Variants in LRRIQ4 observed in about 807,000 individuals in gnomAD.
LRRIQ4 encodes the protein leucine rich repeats and IQ motif containing 4, also known as leucine-rich repeat and IQ domain-containing protein 4.
In LRRIQ4, 21 loss-of-function variants were observed where a neutral mutation model predicts 40.1. That is an observed-to-expected ratio of 0.52 (90% CI 0.37 to 0.75). The LOEUF (loss-of-function observed/expected upper bound fraction) is 0.75. Ranked by LOEUF, LRRIQ4 falls within the 30% of genes least tolerant of loss-of-function variation. The pLI, the probability that LRRIQ4 is intolerant of heterozygous loss-of-function variation, is 0.00. For synonymous variants in LRRIQ4, 277 were observed against 277.1 expected (o/e 1.00, Z 0.00); for missense variants, 655 against 660.0 (o/e 0.99, Z 0.08).
chr3:169,819,511 A>T (rs1241104734), intron 1 of LRRIQ4, among the ~76,000 whole-genome samples: 1 of 152,214 alleles, frequency 6.6e-6, no homozygotes, highest in Non-Finnish European at 1.5e-5. Context: ...CTGCACAATA[A>T]AATCAAGTCT....
In LRRIQ4 at chr3:169,833,090, G is replaced by A. The variant is rs747693706; in HGVS notation, c.1437G>A (p.Met479Ile). 3.7e-6 allele frequency: 6 copies of A among 1,613,974 alleles called. No individual in the cohort carries two copies. In the Admixed American group the frequency reaches 1.0e-4, roughly 27 times the overall value. The change falls in exon 5 of 6, where the codon ATG becomes ATA. Residue 479 changes from methionine (M) to isoleucine (I), a missense_variant. Met to Ile is a conservative substitution (Grantham distance 10). Transcript: ENST00000340806. ...LKVLTLMDNPMEEPPKEVCAE... is the reference protein window; with the variant it reads ...LKVLTLMDNPIEEPPKEVCAE... ...TTCTGACACTGATGGACAATCCCAT[G>A]GAAGAACCCCCAAAAGAAGTGTGTG...
intron 2 of LRRIQ4, among the ~76,000 whole-genome samples, chr3:169,826,400 AAAAAAG>A (rs1257849834): frequency 2.6e-5 from 4 of 151,784 alleles, no homozygotes; most frequent in East Asian, 1.9e-4. Context: ...CTCAAAAAAA[AAAAAAG>A]AAAAAGAAAA....
chr3:169,828,692 A>C, intron 2 of LRRIQ4, 67 bp from the exon 3 acceptor site: 7 of 1,478,870 alleles, frequency 4.7e-6, no homozygotes, highest in Non-Finnish European at 6.5e-6. Context: ...CAAAACCAGA[A>C]GCCCAATTTA....
At chr3:169,814,688 T>G (rs1779727518) in intron 1 of LRRIQ4, among the ~76,000 whole-genome samples, 1 of 152,182 alleles carries the variant, frequency 6.6e-6, no homozygotes, top group African/African-American at 2.4e-5. Flanking sequence ...TTTCACCATG[T>G]TGGCCAGGCT....
chr3:169,824,031 GAT>G (rs1245060835), intron 2 of LRRIQ4, among the ~76,000 whole-genome samples: 1 of 152,014 alleles, frequency 6.6e-6, no homozygotes, highest in Admixed American at 6.6e-5. Flanking sequence ...AGAACCTTAT[GAT>G]ACCATTTATA....
chr3:169,826,903 G>A (rs1043407668), intron 2 of LRRIQ4, among the ~76,000 whole-genome samples: 1 of 152,162 alleles, frequency 6.6e-6, no homozygotes, highest in Non-Finnish European at 1.5e-5. Context: ...TTAGGAAAAT[G>A]AGTCCTTACT....
In LRRIQ4 at chr3:169,822,570, T is replaced by C; in HGVS notation, c.649T>C (p.Tyr217His). ...ACACCTGACGGGGCTGCAGAAGTTCTATATGGCTTCTAACAACCTTCCCGT... is the reference window on the plus strand; with the variant it reads ...ACACCTGACGGGGCTGCAGAAGTTCCATATGGCTTCTAACAACCTTCCCGT... ...IGHLTGLQKF[Y>H]MASNNLPVLP... Residue 217 changes from tyrosine to histidine, a missense_variant, in exon 2 of 6, where the codon TAT becomes CAT. Transcript: ENST00000340806. 1 of 1,614,030 alleles carries C rather than the reference T, an allele frequency of 6.2e-7. No homozygotes were observed. Among genetic ancestry groups the C allele is most frequent in the Non-Finnish European group, 8.5e-7 (1 of 1,179,898 alleles).
chr3:169,831,076 A>G (rs1484959760), intron 4 of LRRIQ4, among the ~76,000 whole-genome samples: 1 of 152,056 alleles, frequency 6.6e-6, no homozygotes, highest in Non-Finnish European at 1.5e-5. Flanking sequence ...TGACCTGGAA[A>G]ACTATATATG....
chr3:169,817,757 T>C (rs1331222763), intron 1 of LRRIQ4, among the ~76,000 whole-genome samples: 1 of 152,232 alleles, frequency 6.6e-6, no homozygotes, highest in African/African-American at 2.4e-5. Flanking sequence ...ACTCCTGCTC[T>C]TTTTTGTTTT....
At chr3:169,819,163 T>C (rs1422666932) in intron 1 of LRRIQ4, among the ~76,000 whole-genome samples, 1 of 152,158 alleles carries the variant, frequency 6.6e-6, no homozygotes, top group Non-Finnish European at 1.5e-5. Context: ...AGAGAAAAAA[T>C]GGCCAATAAA....
chr3:169,819,313 G>A (rs1292384711), intron 1 of LRRIQ4, among the ~76,000 whole-genome samples: 5 of 152,220 alleles, frequency 3.3e-5, no homozygotes, highest in South Asian at 2.1e-4. Context: ...TCAGAGGGCC[G>A]TCAAATTGAT....
intron 1 of LRRIQ4, among the ~76,000 whole-genome samples, chr3:169,819,694 C>A (rs776161241): frequency 6.6e-6 from 1 of 152,142 alleles, no homozygotes; most frequent in African/African-American, 2.4e-5. Context: ...GGAAACAGGG[C>A]AAATAATGAT....
chr3:169,830,377 G>GAAAAAA lies in LRRIQ4; in HGVS notation c.1195-88_1195-83dup, dbSNP rs56795981. On this transcript the variant is annotated intron_variant, in intron 3 of 5. Coordinates refer to ENST00000340806, the MANE Select transcript of LRRIQ4 (RefSeq NM_001080460.3). Reference sequence around the variant, plus strand: ...AATGCGTAATTTCCCCACTGAAAGTGAAAAAAAAAAAAAAAAAAAAAAAAA... The same window carrying GAAAAAA: ...AATGCGTAATTTCCCCACTGAAAGTGAAAAAAAAAAAAAAAAAAAAAAAAAAAAAAA... 4.0e-3 allele frequency: 426 copies of GAAAAAA among 106,608 alleles called. 112 individuals are homozygous for GAAAAAA. Among genetic ancestry groups the GAAAAAA allele is most frequent in the African/African-American group, 9.5e-3 (164 of 17,194 alleles). 6.6% of individuals were successfully genotyped at this position (106,608 alleles called of 1,614,324 possible). A position where few individuals can be genotyped will look rare whatever the true frequency, so the allele number is the denominator to read the frequency against.
At chr3:169,832,916 G>C in intron 4 of LRRIQ4, 71 bp from the exon 5 acceptor site, 1 of 1,343,774 alleles carries the variant, frequency 7.4e-7, no homozygotes, top group Non-Finnish European at 1.0e-6. Flanking sequence ...CACCTATGTG[G>C]ACAGGATTAG....
At chr3:169,833,277 C>A (rs1780227865) in intron 5 of LRRIQ4, 94 bp downstream of exon 5, 2 of 996,750 alleles carry the variant, frequency 2.0e-6, no homozygotes, top group Non-Finnish European at 1.4e-6. Flanking sequence ...CTCCTTACAC[C>A]CTTGTCCTGC....
At chr3:169,825,897 A>G (rs1217970363) in intron 2 of LRRIQ4, among the ~76,000 whole-genome samples, 2 of 151,888 alleles carry the variant, frequency 1.3e-5, no homozygotes, top group Non-Finnish European at 2.9e-5. Context: ...TGCTAATACC[A>G]CCTTCCAATG....
At chr3:169,815,047 A>G (rs1277517201) in intron 1 of LRRIQ4, among the ~76,000 whole-genome samples, 2 of 152,222 alleles carry the variant, frequency 1.3e-5, no homozygotes, top group South Asian at 4.1e-4. Context: ...GCTCTGCAAT[A>G]TAATTTTAAT....
rs1235962945 is a variant in LRRIQ4 at position 169,833,124 on chromosome 3, A to C, written c.1471A>C (p.Asn491His). 2.5e-6 allele frequency: 4 copies of C among 1,613,928 alleles called. No homozygotes were observed. Among genetic ancestry groups the C allele is most frequent in the Non-Finnish European group, 3.4e-6 (4 of 1,179,898 alleles). ...CCCAAAAGAAGTGTGTGCTGAAGGC[A>C]ATGAGGCCATATGGAAATACCTCAA... ...EPPKEVCAEG[N>H]EAIWKYLKEN... Residue 491 changes from asparagine (N) to histidine (H), a missense_variant, in exon 5 of 6, where the codon AAT becomes CAT. Physicochemically the swap from Asn to His is moderately conservative, Grantham distance 68. Coordinates refer to ENST00000340806, the MANE Select transcript of LRRIQ4 (RefSeq NM_001080460.3).
At chr3:169,828,666 GT>G (rs1780095272) in intron 2 of LRRIQ4, 92 bp from the exon 3 acceptor site, 9 of 1,136,208 alleles carry the variant, frequency 7.9e-6, no homozygotes, top group Non-Finnish European at 1.2e-5. Flanking sequence ...TACTCCACTT[GT>G]TTAGCAGTCT....
Sources: gnomAD v4.1 joint callset for allele counts (sites outside exome capture counted in the v4.1 genomes callset) on GRCh38, gnomAD v4.1.1 for gene constraint, MANE v1.5 for transcripts, NCBI Gene and HGNC (gene_info 2026-07-23, HGNC 2026-07-21) for gene names.